The following TYMS variants were observed in gnomAD, a reference collection of about 807,000 sequenced individuals.
The protein encoded by TYMS is thymidylate synthetase.
In TYMS, 21 loss-of-function variants were observed where a neutral mutation model predicts 39.3. The ratio of observed to expected loss-of-function variants is 0.54; its 90% CI spans 0.38 to 0.77. The LOEUF is 0.77. Among genes scored for constraint, TYMS ranks in the 30% least tolerant of loss-of-function variants. The pLI, the probability that TYMS is intolerant of heterozygous loss-of-function variation, is 0.00. For synonymous variants in TYMS, 171 were observed against 162.2 expected (o/e 1.05, Z -0.41); for missense variants, 273 against 406.7 (o/e 0.67, Z 2.83).
intron 2 of TYMS, 82 bp downstream of exon 2, chr18:659,796 C>A: frequency 1.6e-6 from 2 of 1,280,490 alleles, no homozygotes; most frequent in Non-Finnish European, 2.3e-6. Flanking sequence ...CTCAAAGCAG[C>A]CAGGTGTGGT....
Position 658,121 on chromosome 18 carries a change from T to G in TYMS, c.205+174T>G, listed in dbSNP as rs201596180. On this transcript the variant is annotated intron_variant, in intron 1 of 6. Transcript: ENST00000323274. The surrounding 1 kb of genome is among the most constrained non-coding windows in gnomAD (Gnocchi z 4.5). ...CAGACGCCGAAACGGAGGGTCCCATTAGGGACGTGACTGGCGCGGGCAACA... is the reference window on the plus strand; with the variant it reads ...CAGACGCCGAAACGGAGGGTCCCATGAGGGACGTGACTGGCGCGGGCAACA... 6.3e-7 allele frequency: 1 copy of G among 1,587,538 alleles called. No individual in the cohort carries two copies. The highest frequency in any genetic ancestry group is 1.3e-5 in the African/African-American group (1 of 74,348).
chr18:657,658 GCCTGCCTCCGTCCCGCCGCGC>G lies in TYMS; in HGVS notation c.-83_-63del. 3.0e-6 allele frequency: 1 copy of G among 333,028 alleles called. No homozygotes were observed. Among genetic ancestry groups the G allele is most frequent in the Non-Finnish European group, 4.2e-6 (1 of 239,960 alleles). 20.6% of individuals were successfully genotyped at this position (333,028 alleles called of 1,614,324 possible). ...AGGGGTCCTGCCACCGCGCCACTTG[GCCTGCCTCCGTCCCGCCGCGC>G]CACTTGGCCTGCCTCCGTCCCGCCG... is the stretch of plus-strand genomic sequence containing the variant. On this transcript the variant is annotated 5_prime_UTR_variant, in exon 1 of 7. Transcript: ENST00000323274.
In TYMS at chr18:658,447, C is replaced by A; in HGVS notation, c.205+500C>A. On this transcript the variant is annotated intron_variant, in intron 1 of 6. Coordinates refer to ENST00000323274, the MANE Select transcript of TYMS (RefSeq NM_001071.4). The surrounding 1 kb of genome is among the most constrained non-coding windows in gnomAD (Gnocchi z 4.5). ...GAAGAGGAGAGCACTGAAGCTGGCG[C>A]GGGAACTTGGTTTCCTGGTGGCCTC... 2 of 833,812 alleles carry A rather than the reference C, an allele frequency of 2.4e-6. No homozygotes were observed. Among genetic ancestry groups the A allele is most frequent in the Non-Finnish European group, 3.2e-6 (2 of 616,222 alleles). The allele number at this position is 833,812 out of a possible 1,614,324, so 51.7% of individuals were successfully genotyped here. A position where few individuals can be genotyped will look rare whatever the true frequency, so the allele number is the denominator to read the frequency against.
chr18:666,925 GGT>G lies in TYMS; in HGVS notation c.455-2145_455-2144del, dbSNP rs1398437314. Among the ~76,000 whole-genome samples, 90 of 64,590 alleles carry G rather than the reference GGT, an allele frequency of 1.4e-3. 9 individuals are homozygous for G. The highest frequency in any genetic ancestry group is 4.3e-3 in the East Asian group (6 of 1,388). 42.4% of individuals were successfully genotyped at this position (64,590 alleles called of 152,430 possible). A position where few individuals can be genotyped will look rare whatever the true frequency, so the allele number is the denominator to read the frequency against. ...TGGAGATGGTGATGGTGATGGAGAT[GGT>G]GATGGTGATGGAGATGGTGATGGTG... is the stretch of plus-strand genomic sequence containing the variant. On this transcript the variant is annotated intron_variant, in intron 3 of 6. Coordinates refer to ENST00000323274, the MANE Select transcript of TYMS (RefSeq NM_001071.4).
In TYMS at chr18:657,943, G is replaced by T; in HGVS notation, c.201G>T (p.Leu67=). 1 of 1,509,724 alleles carries T rather than the reference G, an allele frequency of 6.6e-7. No individual in the cohort carries two copies. The allele number at this position is 1,509,724 out of a possible 1,614,324, so 93.5% of individuals were successfully genotyped here. A position where few individuals can be genotyped will look rare whatever the true frequency, so the allele number is the denominator to read the frequency against. ...TCGGCATGCAGGCGCGCTACAGCCT[G>T]AGAGGTGACGCCGCGGGCCCCTGCG... ...SVFGMQARYS[L]RDEFPLLTTK... Residue 67 remains leucine (L), a synonymous_variant, in exon 1 of 7, where the codon CTG becomes CTT. Transcript: ENST00000323274.
chr18:667,438 ATGGTGATGGTGATGGTGAT>A lies in TYMS; in HGVS notation c.455-1633_455-1615del, dbSNP rs2074870644. Among the ~76,000 whole-genome samples, 4 of 1,082 alleles carry A rather than the reference ATGGTGATGGTGATGGTGAT, an allele frequency of 3.7e-3. 2 individuals carry two copies. The highest frequency in any genetic ancestry group is 0.023 in the African/African-American group (4 of 174). The allele number at this position is 1,082 out of a possible 152,430, so 0.7% of individuals were successfully genotyped here. ...GATGGTGATGGTGATGGAGATGGTG[ATGGTGATGGTGATGGTGAT>A]GATGGAGATGGTGATGGTGATGGTG... On this transcript the variant is annotated intron_variant, in intron 3 of 6. Transcript: ENST00000323274.
intron 2 of TYMS, among the ~76,000 whole-genome samples, chr18:661,905 A>C (rs1309397064): frequency 6.6e-6 from 1 of 152,232 alleles, no homozygotes; most frequent in African/African-American, 2.4e-5. Flanking sequence ...GAATCGCTTG[A>C]ACCTGGGAGG....
At chr18:662,621 A>G (rs889171176) in intron 3 of TYMS, among the ~76,000 whole-genome samples, 8 of 150,424 alleles carry the variant, frequency 5.3e-5, no homozygotes, top group African/African-American at 9.9e-5. Context: ...CCACTAACTC[A>G]TGATCTAGCA....
chr18:669,332 T>G, intron 4 of TYMS, 159 bp downstream of exon 4: 1 of 565,140 alleles, frequency 1.8e-6, no homozygotes, highest in Non-Finnish European at 3.2e-6. Flanking sequence ...TTTGCTGCAC[T>G]TTCACCTTCA....
chr18:671,164 T>C, intron 5 of TYMS: 1 of 613,538 alleles, frequency 1.6e-6, no homozygotes, highest in South Asian at 2.0e-5. Flanking sequence ...CCCAGCACTT[T>C]GGGAGACTGA....
chr18:659,386 G>A (rs1363359783), intron 1 of TYMS, among the ~76,000 whole-genome samples: 1 of 152,012 alleles, frequency 6.6e-6, no homozygotes, highest in Non-Finnish European at 1.5e-5. Flanking sequence ...CCCTGCCCTC[G>A]CCACCATCTC....
At chr18:666,759 G>C (rs2074823456) in intron 3 of TYMS, among the ~76,000 whole-genome samples, 1 of 152,228 alleles carries the variant, frequency 6.6e-6, no homozygotes, top group East Asian at 1.9e-4. Flanking sequence ...ATGCTGTGTG[G>C]ACCTAGAATA....
rs60409589 is a variant in TYMS, at chr18:667,992, A to ATTTTTTTT, written c.455-1068_455-1061dup. ...AATTTTGTTTTACAGATTCACAGGA[A>ATTTTTTTT]TTTTTTTTTTTTTTTTTTTAATGCA... On this transcript the variant is annotated intron_variant, in intron 3 of 6. Coordinates refer to ENST00000323274, the MANE Select transcript of TYMS (RefSeq NM_001071.4). 1.0e-3 allele frequency among the ~76,000 whole-genome samples: 109 copies of ATTTTTTTT among 105,338 alleles called. 5 individuals carry two copies. The highest frequency in any genetic ancestry group is 4.4e-3 in the African/African-American group (97 of 21,834). The allele number at this position is 105,338 out of a possible 152,430, so 69.1% of individuals were successfully genotyped here.
intron 5 of TYMS, 152 bp from the exon 6 acceptor site, chr18:671,228 C>A (rs2075032857): frequency 1.5e-6 from 1 of 655,956 alleles, no homozygotes; most frequent in Non-Finnish European, 2.7e-6. Flanking sequence ...GGCAACATAA[C>A]AAGATGCTGT....
chr18:671,509 T>A (rs111520506), intron 6 of TYMS, 58 bp downstream of exon 6: 1 of 1,116,618 alleles, frequency 9.0e-7, no homozygotes, highest in South Asian at 1.2e-5. Context: ...AAAGGTTGAC[T>A]GTGGAACAGG....
At position 666,894 on chromosome 18, in the gene TYMS, T is replaced by G. The variant is rs2074826480; in HGVS notation, c.455-2178T>G. On this transcript the variant is annotated intron_variant, in intron 3 of 6. Transcript: ENST00000323274. ...AGGGATGACGAAAAAGTTCGGGAGA[T>G]GGTGATGGAGATGGTGATGGTGATG... Among the ~76,000 whole-genome samples the G allele has an allele frequency of 1.4e-4, 7 of 51,332 alleles. 1 individual carries two copies. Among genetic ancestry groups the G allele is most frequent in the African/African-American group, 4.0e-4 (4 of 10,024 alleles). The allele number at this position is 51,332 out of a possible 152,430, so 33.7% of individuals were successfully genotyped here. A position where few individuals can be genotyped will look rare whatever the true frequency, so the allele number is the denominator to read the frequency against.
Position 671,425 on chromosome 18 carries a change from A to C in TYMS, c.778A>C (p.Asn260His). 6.2e-7 allele frequency: 1 copy of C among 1,611,806 alleles called. No homozygotes were observed. The highest frequency in any genetic ancestry group is 8.5e-7 in the Non-Finnish European group (1 of 1,179,114). ...TTTGGGAGATGCACATATTTACCTG[A>C]ATCACATCGAGCCACTGAAAATTCA... is the stretch of plus-strand genomic sequence containing the variant. Reference protein sequence around the residue: ...HTLGDAHIYLNHIEPLKIQLQ... With the variant: ...HTLGDAHIYLHHIEPLKIQLQ... Residue 260 changes from asparagine (N) to histidine (H), a missense_variant, in exon 6 of 7, where the codon AAT becomes CAT. By Grantham distance (68) the Asn-to-His change is moderately conservative. Coordinates refer to ENST00000323274, the MANE Select transcript of TYMS (RefSeq NM_001071.4).
Position 673,446 on chromosome 18 carries a change from A to G in TYMS, c.*449A>G, listed in dbSNP as rs937075451. The G allele has an allele frequency of 2.4e-5, 2 of 84,966 alleles. No homozygotes were observed. The highest frequency in any genetic ancestry group is 1.2e-3 in the South Asian group (2 of 1,716). The allele number at this position is 84,966 out of a possible 1,614,324, so 5.3% of individuals were successfully genotyped here. A position where few individuals can be genotyped will look rare whatever the true frequency, so the allele number is the denominator to read the frequency against. ...GATGTAGAGTGTGGTTATGAACTTT[A>G]AAGTTATAGTTGTTTTATATGTTGC... On this transcript the variant is annotated 3_prime_UTR_variant, in exon 7 of 7. Coordinates refer to ENST00000323274, the MANE Select transcript of TYMS (RefSeq NM_001071.4).
intron 3 of TYMS, chr18:667,757 G>A (rs925723590): frequency 2.0e-5 from 3 of 152,192 alleles, no homozygotes; most frequent in African/African-American, 7.2e-5. Context: ...GTGCAGGTAA[G>A]TGTTCTGCAG....
Sources: gnomAD v4.1 joint callset for allele counts (sites outside exome capture counted in the v4.1 genomes callset) on GRCh38, gnomAD v4.1.1 for gene constraint, Gnocchi (gnomAD v3.1) non-coding constraint, MANE v1.5 for transcripts, NCBI Gene and HGNC (gene_info 2026-07-23, HGNC 2026-07-21) for gene names.